Variants in SGCD observed in about 807,000 individuals in gnomAD.
SGCD encodes delta-sarcoglycan.
In SGCD, 18 loss-of-function variants were observed where a neutral mutation model predicts 36.6. The observed-to-expected ratio is 0.49, with a 90% CI of 0.34 to 0.73. SGCD has a LOEUF of 0.73. SGCD is among the 30% of genes least tolerant of loss of function. The pLI is 0.01. For missense variants in SGCD, 387 were observed against 346.7 expected (o/e 1.12, Z -0.92); for synonymous variants, 133 against 130.6 (o/e 1.02, Z -0.12).
chr5:156,060,621 T>C (rs1760180209), intron 1 of SGCD, among the ~76,000 whole-genome samples: 1 of 145,658 alleles, frequency 6.9e-6, no homozygotes, highest in Non-Finnish European at 1.5e-5. Context: ...TGCTGGAATA[T>C]ATGTTGTTTT....
chr5:156,201,721 G>T (rs1341446214), intron 3 of SGCD, among the ~76,000 whole-genome samples: 1 of 147,958 alleles, frequency 6.8e-6, no homozygotes, highest in Non-Finnish European at 1.5e-5. Context: ...TAATTCCCTA[G>T]TTTTTTTTTT....
At chr5:156,625,617 A>T (rs1439720144) in intron 6 of SGCD, among the ~76,000 whole-genome samples, 3 of 152,216 alleles carry the variant, frequency 2.0e-5, no homozygotes, top group Admixed American at 1.3e-4. Context: ...AGTGATCACA[A>T]ACCCACTGAA....
intron 3 of SGCD, among the ~76,000 whole-genome samples, chr5:156,503,467 T>C (rs2127866606): frequency 6.6e-6 from 1 of 152,310 alleles, no homozygotes; most frequent in Middle Eastern, 3.4e-3. Flanking sequence ...TCTATTAATA[T>C]CACTGACTGC....
chr5:156,444,005 C>G (rs2127798545), intron 3 of SGCD, among the ~76,000 whole-genome samples: 1 of 151,384 alleles, frequency 6.6e-6, no homozygotes, highest in South Asian at 2.1e-4. Flanking sequence ...CCCACCTAAA[C>G]AAAACAGATA....
intron 3 of SGCD, among the ~76,000 whole-genome samples, chr5:156,245,625 A>T (rs1765420709): frequency 6.6e-6 from 1 of 152,182 alleles, no homozygotes. Context: ...AGAAACTTGA[A>T]ACTGATTCTG....
At chr5:155,844,228 C>A in the SGCD span, among the ~76,000 whole-genome samples, 1 of 152,256 alleles carries the variant, frequency 6.6e-6, no homozygotes, top group African/African-American at 2.4e-5. Context: ...TTGGCTGGGG[C>A]AGCTTCCTGC....
At chr5:156,305,609 C>T (rs762486023) in intron 3 of SGCD, among the ~76,000 whole-genome samples, 3 of 152,212 alleles carry the variant, frequency 2.0e-5, no homozygotes, top group Admixed American at 6.5e-5. Context: ...CCTACTGAGG[C>T]ACCACCTATT....
At chr5:156,579,175 T>C (rs1472960359) in intron 4 of SGCD, among the ~76,000 whole-genome samples, 1 of 152,204 alleles carries the variant, frequency 6.6e-6, no homozygotes, top group African/African-American at 2.4e-5. Flanking sequence ...ATGTACCCAG[T>C]AGTCATTCAG....
At chr5:156,682,689 G>C (rs1464322014) in intron 7 of SGCD, among the ~76,000 whole-genome samples, 8 of 152,206 alleles carry the variant, frequency 5.3e-5, no homozygotes. Flanking sequence ...GTCTAACTGT[G>C]AAGAGAGATG....
At chr5:155,906,264 C>G (rs1756510107) in intron 1 of SGCD, among the ~76,000 whole-genome samples, 1 of 152,106 alleles carries the variant, frequency 6.6e-6, no homozygotes, top group Non-Finnish European at 1.5e-5. Context: ...CTCATTTCCT[C>G]TTCTTGAGCT....
chr5:155,988,576 CTT>C (rs1275021388), intron 1 of SGCD, among the ~76,000 whole-genome samples: 1 of 151,756 alleles, frequency 6.6e-6, no homozygotes, highest in African/African-American at 2.4e-5. Context: ...TCAAACTGAT[CTT>C]ATGCTCCAGT....
At chr5:156,591,932 A>G (rs1760737704) in intron 5 of SGCD, among the ~76,000 whole-genome samples, 1 of 152,140 alleles carries the variant, frequency 6.6e-6, no homozygotes, top group Non-Finnish European at 1.5e-5. Context: ...GGCTAAAACT[A>G]CCAATTACTG....
chr5:156,289,602 A>G (rs1275340935), intron 3 of SGCD, among the ~76,000 whole-genome samples: 1 of 150,548 alleles, frequency 6.6e-6, no homozygotes, highest in Non-Finnish European at 1.5e-5. Context: ...TTTTATTTTT[A>G]TTTTATTTTA....
chr5:156,748,846 G>T (rs879287697), intron 7 of SGCD, among the ~76,000 whole-genome samples: 1 of 152,106 alleles, frequency 6.6e-6, no homozygotes, highest in Non-Finnish European at 1.5e-5. Flanking sequence ...AGCCTGGAGT[G>T]CAGTGGTGTG....
chr5:156,273,404 G>T (rs1766229923), intron 3 of SGCD, among the ~76,000 whole-genome samples: 1 of 152,186 alleles, frequency 6.6e-6, no homozygotes, highest in Admixed American at 6.6e-5. Context: ...GCGATAGGGA[G>T]AGATTTTTTA....
the SGCD span, among the ~76,000 whole-genome samples, chr5:155,759,355 C>CT: frequency 6.6e-6 from 1 of 152,274 alleles, no homozygotes; most frequent in African/African-American, 2.4e-5. Flanking sequence ...CTCTCACCAC[C>CT]TTTTTTCTCT....
At chr5:156,212,759 G>T (rs1183501570) in intron 3 of SGCD, among the ~76,000 whole-genome samples, 2 of 152,064 alleles carry the variant, frequency 1.3e-5, no homozygotes, top group Non-Finnish European at 2.9e-5. Flanking sequence ...CACAAAGCAA[G>T]TCTTAATGCA....
intron 3 of SGCD, among the ~76,000 whole-genome samples, chr5:156,354,046 T>C (rs948071502): frequency 2.7e-5 from 4 of 145,560 alleles, no homozygotes; most frequent in Admixed American, 6.7e-5. Context: ...CTATGCTTTG[T>C]GTAGAAACTA....
chr5:156,738,833 C>T (rs569883238), intron 7 of SGCD, among the ~76,000 whole-genome samples: 4 of 152,328 alleles, frequency 2.6e-5, no homozygotes, highest in African/African-American at 9.6e-5. Flanking sequence ...AAAGAAGACA[C>T]CAATATCTCT....
Sources: allele counts gnomAD v4.1 joint callset (sites outside exome capture counted in the v4.1 genomes callset), GRCh38; gene constraint gnomAD v4.1.1; transcripts MANE v1.5; gene names NCBI Gene and HGNC (gene_info 2026-07-23, HGNC 2026-07-21).